The following UTP25 variants were observed in gnomAD, a reference collection of about 807,000 sequenced individuals.
The protein encoded by UTP25 is UTP25 small subunit processome component.
UTP25 carries 50 observed loss-of-function variants against 78.9 expected under a neutral mutation model. The observed-to-expected ratio is 0.63, with a 90% CI of 0.50 to 0.80. UTP25 has a LOEUF of 0.80. UTP25 is among the 30% of genes least tolerant of loss of function. The pLI, the probability that UTP25 is intolerant of heterozygous loss-of-function variation, is 0.00. For missense variants in UTP25, 846 were observed against 911.3 expected, an observed-to-expected ratio of 0.93 and a Z score of 0.92; for synonymous variants, 329 against 336.5, an observed-to-expected ratio of 0.98 and a Z score of 0.24.
rs538702289 is a variant in UTP25, at chr1:209,852,952, C to G, written c.*1505C>G. The G allele has an allele frequency of 6.6e-6, 1 of 152,308 alleles. No homozygotes were observed. Among genetic ancestry groups the G allele is most frequent in the South Asian group, 2.1e-4 (1 of 4,824 alleles). The allele number at this position is 152,308 out of a possible 1,614,324, so 9.4% of individuals were successfully genotyped here. ...TTCTTTCCATATTGATAACTCCTTT[C>G]TCAGACAGTGGCTCCCATTATCCTC... On this transcript the variant is annotated 3_prime_UTR_variant, in exon 12 of 12. Coordinates refer to ENST00000491415, the MANE Select transcript of UTP25 (RefSeq NM_014388.7).
Position 209,831,368 on chromosome 1 carries a change from C to T in UTP25, c.388+325C>T, listed in dbSNP as rs556641643. Among the ~76,000 whole-genome samples, 9 of 152,266 alleles carry T rather than the reference C, an allele frequency of 5.9e-5. No individual in the cohort carries two copies. In the South Asian group the frequency reaches 1.9e-3, roughly 32 times the overall value. On this transcript the variant is annotated intron_variant, in intron 3 of 11. Coordinates refer to ENST00000491415, the MANE Select transcript of UTP25 (RefSeq NM_014388.7). ...TTATTGAAGAGGTTACTGTTCTTCT[C>T]TTAGGGAGACCAAGTTTGATGGAAG...
chr1:209,851,116 A>G, intron 11 of UTP25, 88 bp from the exon 12 acceptor site: 1 of 1,449,184 alleles, frequency 6.9e-7, no homozygotes, highest in Non-Finnish European at 9.3e-7. Context: ...AGCAACAAGC[A>G]TGAACTATGC....
Position 209,852,853 on chromosome 1 carries a change from T to C in UTP25, c.*1406T>C, listed in dbSNP as rs962940680. 2.0e-5 allele frequency: 3 copies of C among 152,188 alleles called. No individual in the cohort carries two copies. Among genetic ancestry groups the C allele is most frequent in the African/African-American group, 7.2e-5 (3 of 41,428 alleles). 9.4% of individuals were successfully genotyped at this position (152,188 alleles called of 1,614,324 possible). ...ATTAATATCTAAATTTACTTTCATA[T>C]CCATATATTGAAAACCATGAATTCA... On this transcript the variant is annotated 3_prime_UTR_variant, in exon 12 of 12. Coordinates refer to ENST00000491415, the MANE Select transcript of UTP25 (RefSeq NM_014388.7).
chr1:209,829,794 C>T (rs1398396732), intron 1 of UTP25, among the ~76,000 whole-genome samples: 1 of 152,110 alleles, frequency 6.6e-6, no homozygotes, highest in Non-Finnish European at 1.5e-5. Context: ...CTTAGAGGGA[C>T]ATTCTAATTA....
intron 10 of UTP25, 80 bp downstream of exon 10, chr1:209,842,775 C>T (rs1338357327): frequency 1.3e-5 from 14 of 1,065,226 alleles, no homozygotes; most frequent in Non-Finnish European, 1.7e-5. Context: ...AATTGGATTC[C>T]ATTTTGCTTT....
At chr1:209,849,134 G>A (rs1391079154) in intron 11 of UTP25, among the ~76,000 whole-genome samples, 1 of 152,094 alleles carries the variant, frequency 6.6e-6, no homozygotes, top group Non-Finnish European at 1.5e-5. Flanking sequence ...GAAGTCGGGG[G>A]GAGGGGGTTC....
chr1:209,856,044 G>A lies in UTP25; in HGVS notation c.*4597G>A, dbSNP rs995843808. 2.6e-5 allele frequency: 4 copies of A among 152,220 alleles called. No homozygotes were observed. Among genetic ancestry groups the A allele is most frequent in the African/African-American group, 9.6e-5 (4 of 41,460 alleles). The allele number at this position is 152,220 out of a possible 1,614,324, so 9.4% of individuals were successfully genotyped here. On this transcript the variant is annotated 3_prime_UTR_variant, in exon 12 of 12. Transcript: ENST00000491415. Reference sequence around the variant, plus strand: ...GGTGTTTGTCCACAGATGTTCATGGGTTTCTTTGTGTTCTCTCATTTTTTC... The same window carrying A: ...GGTGTTTGTCCACAGATGTTCATGGATTTCTTTGTGTTCTCTCATTTTTTC...
At chr1:209,829,897 T>A (rs911615242) in intron 1 of UTP25, among the ~76,000 whole-genome samples, 4 of 152,254 alleles carry the variant, frequency 2.6e-5, no homozygotes, top group African/African-American at 4.8e-5. Flanking sequence ...ACTCTAGGGT[T>A]TGTCATGTGA....
intron 11 of UTP25, among the ~76,000 whole-genome samples, chr1:209,847,617 T>C (rs947081002): frequency 6.6e-5 from 10 of 152,262 alleles, no homozygotes; most frequent in African/African-American, 2.4e-4. Flanking sequence ...ATTATAGCTC[T>C]TTCCCCTCCG....
Position 209,852,948 on chromosome 1 carries a change from C to T in UTP25, c.*1501C>T, listed in dbSNP as rs769123633. ...CATTTTCTTTCCATATTGATAACTC[C>T]TTTCTCAGACAGTGGCTCCCATTAT... is the stretch of plus-strand genomic sequence containing the variant. On this transcript the variant is annotated 3_prime_UTR_variant, in exon 12 of 12. Coordinates refer to ENST00000491415, the MANE Select transcript of UTP25 (RefSeq NM_014388.7). 2 of 152,168 alleles carry T rather than the reference C, an allele frequency of 1.3e-5. No individual in the cohort carries two copies. The highest frequency in any genetic ancestry group is 2.9e-5 in the Non-Finnish European group (2 of 68,026). 9.4% of individuals were successfully genotyped at this position (152,168 alleles called of 1,614,324 possible). A position where few individuals can be genotyped will look rare whatever the true frequency, so the allele number is the denominator to read the frequency against.
chr1:209,831,108 T>C, intron 3 of UTP25, 65 bp downstream of exon 3: 1 of 1,549,470 alleles, frequency 6.5e-7, no homozygotes, highest in South Asian at 1.2e-5. Context: ...CTCATGAGCA[T>C]GGTACCTTAT....
intron 11 of UTP25, 36 bp downstream of exon 11, chr1:209,843,732 A>G (rs987955848): frequency 1.2e-6 from 2 of 1,600,376 alleles, no homozygotes; most frequent in Non-Finnish European, 1.7e-6. Flanking sequence ...TCCTCTCTGA[A>G]GGGGAGGTGC....
At chr1:209,842,234 A>T (rs974871935) in intron 8 of UTP25, 31 bp from the exon 9 acceptor site, 2 of 1,606,716 alleles carry the variant, frequency 1.2e-6, no homozygotes, top group African/African-American at 2.7e-5. Flanking sequence ...CTCTCAGTCA[A>T]CACTAATGGT....
intron 10 of UTP25, 65 bp from the exon 11 acceptor site, chr1:209,843,386 A>G (rs545387795): frequency 1.3e-6 from 2 of 1,574,766 alleles, no homozygotes; most frequent in South Asian, 2.3e-5. Context: ...TCAGGGTCAC[A>G]CAGTTAAGAG....
rs771403575 is a variant in UTP25 at position 209,837,046 on chromosome 1, T to C, written c.897T>C (p.Ala299=). The C allele has an allele frequency of 6.2e-7, 1 of 1,614,124 alleles. No homozygotes were observed. The highest frequency in any genetic ancestry group is 8.5e-7 in the Non-Finnish European group (1 of 1,180,006). The change falls in exon 6 of 12, where the codon GCT becomes GCC. Residue 299 remains alanine, a synonymous_variant. Transcript: ENST00000491415. The part of the protein sequence containing the change: ...YRDLFYPERT[A]LKNGEEIRHV... ...ACCTGTTCTACCCGGAAAGGACTGCTCTGAAGAACGGGGAAGAGATCCGCC... is the reference window on the plus strand; with the variant it reads ...ACCTGTTCTACCCGGAAAGGACTGCCCTGAAGAACGGGGAAGAGATCCGCC...
At chr1:209,833,148 A>G (rs868336959) in intron 3 of UTP25, 37 bp from the exon 4 acceptor site, 1 of 1,573,836 alleles carries the variant, frequency 6.4e-7, no homozygotes. Flanking sequence ...ATAATTTGTG[A>G]GTAAATAATT....
In UTP25 at chr1:209,857,375, A is replaced by T. The variant is rs1289863189; in HGVS notation, c.*5928A>T. ...GAAAAGTTATTCTTTTAATCTTATT[A>T]AAAAAGCAACCCATGCCCATTCCAC... On this transcript the variant is annotated 3_prime_UTR_variant, in exon 12 of 12. Transcript: ENST00000491415. 2.0e-5 allele frequency: 3 copies of T among 152,070 alleles called. No individual in the cohort carries two copies. Among genetic ancestry groups the T allele is most frequent in the Non-Finnish European group, 4.4e-5 (3 of 68,020 alleles). The allele number at this position is 152,070 out of a possible 1,614,324, so 9.4% of individuals were successfully genotyped here.
intron 3 of UTP25, among the ~76,000 whole-genome samples, chr1:209,832,665 T>C (rs1221448160): frequency 1.3e-5 from 2 of 152,224 alleles, no homozygotes; most frequent in East Asian, 3.9e-4. Context: ...GGCAGATCGA[T>C]TGAGCTTAGG....
chr1:209,828,725 G>A (rs2078085031), intron 1 of UTP25, among the ~76,000 whole-genome samples: 1 of 147,998 alleles, frequency 6.8e-6, no homozygotes, highest in Non-Finnish European at 1.5e-5. Context: ...TTTTTGTGTG[G>A]TCAGAGATCT....
Sources: gnomAD v4.1 joint callset for allele counts (sites outside exome capture counted in the v4.1 genomes callset) on GRCh38, gnomAD v4.1.1 for gene constraint, MANE v1.5 for transcripts, NCBI Gene and HGNC (gene_info 2026-07-23, HGNC 2026-07-21) for gene names.